Variants in CNTNAP2 observed in about 807,000 individuals in gnomAD.
CNTNAP2 encodes the protein contactin associated protein 2, also known as contactin-associated protein-like 2.
CNTNAP2 carries 98 observed loss-of-function variants against 155.2 expected under a neutral mutation model. That is an observed-to-expected ratio of 0.63 (90% CI 0.54 to 0.75). The LOEUF is 0.75. Ranked by LOEUF, CNTNAP2 falls within the 30% of genes least tolerant of loss-of-function variation. CNTNAP2 has a pLI of 0.00. For missense variants in CNTNAP2, 1,727 were observed against 1,688.1 expected (o/e 1.02, Z -0.40); for synonymous variants, 651 against 631.2 (o/e 1.03, Z -0.47).
At chr7:146,875,674 C>CA (rs1562982835) in intron 3 of CNTNAP2, among the ~76,000 whole-genome samples, 4 of 151,172 alleles carry the variant, frequency 2.6e-5, no homozygotes, top group East Asian at 2.0e-4. Flanking sequence ...TTGCTTTTGG[C>CA]GGGGGGGCAA....
chr7:146,228,399 C>G (rs1220892929), intron 1 of CNTNAP2, among the ~76,000 whole-genome samples: 1 of 152,032 alleles, frequency 6.6e-6, no homozygotes, highest in African/African-American at 2.4e-5. Flanking sequence ...TCATATGTTA[C>G]ATAAAGACGA....
chr7:146,673,138 C>T (rs926756815), intron 1 of CNTNAP2, among the ~76,000 whole-genome samples: 11 of 151,974 alleles, frequency 7.2e-5, no homozygotes, highest in African/African-American at 2.7e-4. Context: ...CTTTGATATT[C>T]AAATAACCTT....
intron 1 of CNTNAP2, among the ~76,000 whole-genome samples, chr7:146,591,416 A>T (rs375019319): frequency 0.83 from 125,745 of 151,680 alleles, 52,753 homozygotes; most frequent in African/African-American, 0.9. Context: ...TGGAATAATA[A>T]TTGAGAAATG....
At chr7:148,181,059 C>T (rs1171800272) in intron 18 of CNTNAP2, among the ~76,000 whole-genome samples, 1 of 152,202 alleles carries the variant, frequency 6.6e-6, no homozygotes, top group Non-Finnish European at 1.5e-5. Context: ...CCTTTGGGCT[C>T]CAGAACTTAT....
rs111419781 is a variant in CNTNAP2, at chr7:147,518,801, C to T, written c.1777+32760C>T. ...ATCCCAGCACTTTGGGAGGGCAAGG[C>T]GGGCGGATCACCTGAGGTCAGGAGT... On this transcript the variant is annotated intron_variant, in intron 11 of 23. Transcript: ENST00000361727. 9.9e-3 allele frequency among the ~76,000 whole-genome samples: 1,509 copies of T among 152,030 alleles called. 21 individuals are homozygous for T. The highest frequency in any genetic ancestry group is 0.034 in the African/African-American group (1,416 of 41,452).
chr7:146,464,899 T>C (rs1376859896), intron 1 of CNTNAP2, among the ~76,000 whole-genome samples: 2 of 152,164 alleles, frequency 1.3e-5, no homozygotes, highest in African/African-American at 2.4e-5. Context: ...TTTAATGATA[T>C]TGTAGCCTGC....
chr7:147,404,364 C>T (rs946546692), intron 10 of CNTNAP2, among the ~76,000 whole-genome samples: 4 of 152,142 alleles, frequency 2.6e-5, no homozygotes, highest in Admixed American at 1.3e-4. Context: ...AAAGCTCTTG[C>T]GTCCTAAAAC....
rs34609020 is a variant in CNTNAP2 at position 146,426,623 on chromosome 7, T to TAA, written c.97+309664_97+309665dup. Among the ~76,000 whole-genome samples the TAA allele has an allele frequency of 3.7e-3, 476 of 130,180 alleles. 2 individuals carry two copies. The highest frequency in any genetic ancestry group is 0.012 in the African/African-American group (430 of 35,046). 85.4% of individuals were successfully genotyped at this position (130,180 alleles called of 152,430 possible). Reference sequence around the variant, plus strand: ...CAGTGACTCATTTCAATAACACCTTTAAAAAAAAAAAAAAAGCAAAACACA... The same window carrying TAA: ...CAGTGACTCATTTCAATAACACCTTTAAAAAAAAAAAAAAAAAGCAAAACACA... On this transcript the variant is annotated intron_variant, in intron 1 of 23. Transcript: ENST00000361727.
intron 9 of CNTNAP2, among the ~76,000 whole-genome samples, chr7:147,325,804 T>A (rs2692136): frequency 6.6e-6 from 1 of 152,100 alleles, no homozygotes. Flanking sequence ...CCTTGTTATA[T>A]GACCATCATC....
intron 1 of CNTNAP2, among the ~76,000 whole-genome samples, chr7:146,364,732 A>G (rs1311588021): frequency 1.3e-5 from 2 of 152,206 alleles, no homozygotes; most frequent in Admixed American, 1.3e-4. Flanking sequence ...ATGCAAAGAT[A>G]ATTAGACACA....
chr7:147,713,636 A>G (rs1796436180), intron 13 of CNTNAP2, among the ~76,000 whole-genome samples: 1 of 152,138 alleles, frequency 6.6e-6, no homozygotes, highest in Non-Finnish European at 1.5e-5. Context: ...ATACGTTTTC[A>G]TTTCACTTGG....
intron 8 of CNTNAP2, among the ~76,000 whole-genome samples, chr7:147,248,472 T>G (rs1282914780): frequency 6.6e-6 from 1 of 152,192 alleles, no homozygotes; most frequent in East Asian, 1.9e-4. Flanking sequence ...AGGAGGATTG[T>G]CCTGGGTTAG....
chr7:146,554,517 A>G (rs1039715675), intron 1 of CNTNAP2, among the ~76,000 whole-genome samples: 4 of 152,348 alleles, frequency 2.6e-5, no homozygotes, highest in Non-Finnish European at 4.4e-5. Flanking sequence ...CAAATTCCTC[A>G]AAAGTCCCAC....
chr7:148,211,861 G>GA (rs1414796502), intron 18 of CNTNAP2, among the ~76,000 whole-genome samples: 1 of 152,208 alleles, frequency 6.6e-6, no homozygotes, highest in Non-Finnish European at 1.5e-5. Flanking sequence ...CTGTGGGGAA[G>GA]TTTTCCAAGT....
chr7:147,320,443 T>C (rs2116818659), intron 9 of CNTNAP2, among the ~76,000 whole-genome samples: 1 of 152,208 alleles, frequency 6.6e-6, no homozygotes, highest in Admixed American at 6.5e-5. Context: ...TATGTACCAA[T>C]ATTAGTACAC....
chr7:146,414,639 G>A (rs1466343949), intron 1 of CNTNAP2, among the ~76,000 whole-genome samples: 107 of 152,180 alleles, frequency 7.0e-4, no homozygotes, highest in African/African-American at 2.6e-3. Flanking sequence ...TATAAGGGGT[G>A]ACTGAAGGGG....
chr7:147,457,556 AGAG>A (rs1174138422), intron 10 of CNTNAP2, among the ~76,000 whole-genome samples: 194 of 58,892 alleles, frequency 3.3e-3, no homozygotes, highest in African/African-American at 5.3e-3. Flanking sequence ...TCAAGATATG[AGAG>A]GTTTTTTTTC....
intron 3 of CNTNAP2, among the ~76,000 whole-genome samples, chr7:146,938,211 C>A (rs1425304693): frequency 1.3e-5 from 2 of 152,062 alleles, no homozygotes; most frequent in East Asian, 3.9e-4. Context: ...AGAAGCTGAA[C>A]TTGCACACAT....
chr7:146,940,764 C>T (rs1020067946), intron 3 of CNTNAP2, among the ~76,000 whole-genome samples: 1 of 150,690 alleles, frequency 6.6e-6, no homozygotes, highest in Non-Finnish European at 1.5e-5. Context: ...TATATATATA[C>T]AGTCGTATAC....
Sources: allele counts gnomAD v4.1 joint callset (sites outside exome capture counted in the v4.1 genomes callset), GRCh38; gene constraint gnomAD v4.1.1; transcripts MANE v1.5; gene names NCBI Gene and HGNC (gene_info 2026-07-23, HGNC 2026-07-21).